NLGN1: variants seen among roughly 807,000 people sequenced by gnomAD.
NLGN1 encodes the protein neuroligin-1.
NLGN1 carries 12 observed loss-of-function variants against 65.5 expected under a neutral mutation model. The observed-to-expected ratio is 0.18, with a 90% CI of 0.12 to 0.30. The LOEUF (loss-of-function observed/expected upper bound fraction) is 0.30. NLGN1 is among the 10% of genes least tolerant of loss of function. NLGN1 has a pLI of 1.00. For missense variants in NLGN1, 750 were observed against 1,007.1 expected (o/e 0.74, Z 3.46); for synonymous variants, 350 against 359.5 (o/e 0.97, Z 0.30).
At chr3:174,248,517 T>G (rs1404940917) in intron 4 of NLGN1, among the ~76,000 whole-genome samples, 1 of 152,304 alleles carries the variant, frequency 6.6e-6, no homozygotes, top group East Asian at 1.9e-4. Flanking sequence ...CCCAGCACTT[T>G]GGGAGGCCGA....
the NLGN1 span, among the ~76,000 whole-genome samples, chr3:174,292,918 G>C: frequency 6.6e-6 from 1 of 151,268 alleles, no homozygotes; most frequent in Non-Finnish European, 1.5e-5. Context: ...CATAGGTACA[G>C]GAAGTACATC....
chr3:174,265,143 G>A (rs1335392156), intron 4 of NLGN1, among the ~76,000 whole-genome samples: 2 of 151,688 alleles, frequency 1.3e-5, no homozygotes, highest in Non-Finnish European at 2.9e-5. Flanking sequence ...GTTTGTCTGT[G>A]CCCTGCCCCC....
chr3:173,908,897 T>C (rs1446536381), intron 4 of NLGN1, among the ~76,000 whole-genome samples: 1 of 152,214 alleles, frequency 6.6e-6, no homozygotes, highest in Non-Finnish European at 1.5e-5. Context: ...AGGCTAAAGA[T>C]GTTTTTAGCT....
intron 4 of NLGN1, among the ~76,000 whole-genome samples, chr3:173,931,808 A>G (rs1275084769): frequency 6.6e-6 from 1 of 152,140 alleles, no homozygotes; most frequent in African/African-American, 2.4e-5. Context: ...CAGTTAAGAG[A>G]CTATTGTAAT....
At chr3:173,944,708 A>G (rs893502046) in intron 4 of NLGN1, among the ~76,000 whole-genome samples, 2 of 152,172 alleles carry the variant, frequency 1.3e-5, no homozygotes, top group Admixed American at 1.3e-4. Flanking sequence ...TTTTCCCATC[A>G]TGCCTAGCTT....
intron 2 of NLGN1, among the ~76,000 whole-genome samples, chr3:173,570,993 T>C (rs1051491833): frequency 1.3e-5 from 2 of 152,170 alleles, no homozygotes; most frequent in African/African-American, 4.8e-5. Context: ...TGAGCCACCA[T>C]GCCCAGCCTA....
At chr3:173,595,983 A>G (rs912262343) in intron 2 of NLGN1, among the ~76,000 whole-genome samples, 7 of 152,342 alleles carry the variant, frequency 4.6e-5, no homozygotes, top group Non-Finnish European at 7.3e-5. Context: ...GGGTGGGTAC[A>G]CAGAGCCAAA....
At position 174,279,697 on chromosome 3, in the gene NLGN1, T is replaced by TA; in HGVS notation, c.1649+49dup. ...TTTATTTTTAATAAAAATGTTATTTTAACCATTTTAAAATAATAGATATTT... is the reference window on the plus strand; with the variant it reads ...TTTATTTTTAATAAAAATGTTATTTTAAACCATTTTAAAATAATAGATATTT... On this transcript the variant is annotated intron_variant, in intron 6 of 6. Transcript: ENST00000457714. This position sits in a 1 kb window ranked among gnomAD's most constrained non-coding sequence, Gnocchi z 4.7. The TA allele has an allele frequency of 8.6e-7, 1 of 1,165,530 alleles. No homozygotes were observed. Among genetic ancestry groups the TA allele is most frequent in the Non-Finnish European group, 1.2e-6 (1 of 823,556 alleles). 72.2% of individuals were successfully genotyped at this position (1,165,530 alleles called of 1,614,324 possible).
intron 3 of NLGN1, among the ~76,000 whole-genome samples, chr3:173,765,258 A>G (rs904209646): frequency 6.6e-6 from 1 of 152,304 alleles, no homozygotes; most frequent in Admixed American, 6.5e-5. Flanking sequence ...AAAAATATAT[A>G]GAACAATGTG....
intron 4 of NLGN1, among the ~76,000 whole-genome samples, chr3:173,939,764 A>T (rs13071192): frequency 0.34 from 52,427 of 151,984 alleles, 9,830 homozygotes; most frequent in African/African-American, 0.49. Context: ...TAATGAAACA[A>T]GCCTTTTATC....
intron 4 of NLGN1, among the ~76,000 whole-genome samples, chr3:174,245,762 A>G (rs1303227993): frequency 6.6e-6 from 1 of 152,176 alleles, no homozygotes; most frequent in African/African-American, 2.4e-5. Context: ...AAATTGATCA[A>G]TTTGCTTCAA....
At chr3:174,080,889 A>T (rs1422847928) in intron 4 of NLGN1, among the ~76,000 whole-genome samples, 1 of 150,166 alleles carries the variant, frequency 6.7e-6, no homozygotes, top group East Asian at 2.0e-4. Flanking sequence ...CTGCCTAACC[A>T]TCATTTGAAT....
chr3:173,473,338 C>T (rs1424581737), intron 2 of NLGN1, among the ~76,000 whole-genome samples: 1 of 152,150 alleles, frequency 6.6e-6, no homozygotes, highest in Non-Finnish European at 1.5e-5. Flanking sequence ...AACATAACTT[C>T]AAAGAAGACT....
intron 2 of NLGN1, among the ~76,000 whole-genome samples, chr3:173,441,286 A>G (rs1049039731): frequency 6.6e-6 from 1 of 152,222 alleles, no homozygotes; most frequent in African/African-American, 2.4e-5. Context: ...TTTTGTGTTC[A>G]GTGGAGTCAC....
chr3:174,095,407 A>T (rs187288047), intron 4 of NLGN1, among the ~76,000 whole-genome samples: 1 of 152,056 alleles, frequency 6.6e-6, no homozygotes, highest in South Asian at 2.1e-4. Context: ...GTTGTAAAAA[A>T]GTATGCTAAA....
intron 3 of NLGN1, among the ~76,000 whole-genome samples, chr3:173,715,310 G>GTTTAAATAT (rs1769663831): frequency 2.0e-5 from 3 of 152,116 alleles, no homozygotes; most frequent in Non-Finnish European, 2.9e-5. Flanking sequence ...ACACTTTCAT[G>GTTTAAATAT]TCCAATTCTA....
chr3:173,798,991 G>A (rs945248326), intron 3 of NLGN1, among the ~76,000 whole-genome samples: 5 of 151,820 alleles, frequency 3.3e-5, no homozygotes, highest in African/African-American at 4.8e-5. Flanking sequence ...TAGTAATCTC[G>A]GAAAAGACTT....
At chr3:173,888,708 G>C (rs1560566795) in intron 4 of NLGN1, among the ~76,000 whole-genome samples, 1 of 152,096 alleles carries the variant, frequency 6.6e-6, no homozygotes, top group East Asian at 1.9e-4. Flanking sequence ...ATATAAACCA[G>C]GGAAAGTTTA....
intron 4 of NLGN1, among the ~76,000 whole-genome samples, chr3:173,839,787 G>A (rs928287865): frequency 1.3e-5 from 2 of 152,128 alleles, no homozygotes; most frequent in Admixed American, 1.3e-4. Context: ...AATGCTTAAA[G>A]CACTCAAACA....
Sources: gnomAD v4.1 joint callset for allele counts (sites outside exome capture counted in the v4.1 genomes callset) on GRCh38, gnomAD v4.1.1 for gene constraint, Gnocchi (gnomAD v3.1) non-coding constraint, MANE v1.5 for transcripts, NCBI Gene and HGNC (gene_info 2026-07-23, HGNC 2026-07-21) for gene names.